The following TMEM135 variants were observed in gnomAD, a reference collection of about 807,000 sequenced individuals.
TMEM135 encodes peroxisomal membrane protein 52.
A neutral mutation model predicts 60.3 loss-of-function variants in TMEM135; 30 were observed. The observed-to-expected ratio is 0.50, with a 90% CI of 0.37 to 0.68. TMEM135 has a LOEUF of 0.68. Among genes scored for constraint, TMEM135 ranks in the 30% least tolerant of loss-of-function variants. The pLI is 0.00. For missense variants in TMEM135, 468 were observed against 548.8 expected (o/e 0.85, Z 1.47); for synonymous variants, 190 against 186.7 (o/e 1.02, Z -0.14).
chr11:87,105,915 C>T (rs966938087), intron 4 of TMEM135, among the ~76,000 whole-genome samples: 2 of 152,126 alleles, frequency 1.3e-5, no homozygotes, highest in Non-Finnish European at 2.9e-5. Context: ...CATTCACTAA[C>T]CTCTCTTCAT....
chr11:87,314,523 G>T lies in TMEM135; in HGVS notation c.1053G>T (p.Met351Ile), dbSNP rs1160340281. The T allele has an allele frequency of 6.2e-7, 1 of 1,610,736 alleles. No individual in the cohort carries two copies. The highest frequency in any genetic ancestry group is 8.5e-7 in the Non-Finnish European group (1 of 1,177,790). The stretch of plus-strand genomic sequence containing the variant: ...TTTATAAAAGCACAACAATTTCCAT[G>T]TATTTAGCGTCCAAATTGGTAGAGG... ...MMFYKSTTIS[M>I]YLASKLVETM... is the part of the protein sequence containing the mutation. Residue 351 changes from methionine (M) to isoleucine (I), a missense_variant, in exon 12 of 15, where the codon ATG (methionine) becomes ATT (isoleucine). Coordinates refer to ENST00000305494, the MANE Select transcript of TMEM135 (RefSeq NM_022918.4).
intron 1 of TMEM135, among the ~76,000 whole-genome samples, chr11:87,039,859 G>C (rs1039137641): frequency 6.6e-6 from 1 of 152,142 alleles, no homozygotes; most frequent in Non-Finnish European, 1.5e-5. Flanking sequence ...CCTGATACTT[G>C]TTATATCAAT....
intron 5 of TMEM135, among the ~76,000 whole-genome samples, chr11:87,231,973 A>G (rs1178317670): frequency 6.7e-6 from 1 of 149,882 alleles, no homozygotes; most frequent in African/African-American, 2.5e-5. Context: ...TTTTTTTGAG[A>G]CAGAGTCTCA....
At chr11:87,283,989 TAAAAA>T (rs1204234364) in intron 6 of TMEM135, among the ~76,000 whole-genome samples, 1 of 152,248 alleles carries the variant, frequency 6.6e-6, no homozygotes, top group Non-Finnish European at 1.5e-5. Context: ...TTGAGGTCTT[TAAAAA>T]ATAGATTGGT....
intron 5 of TMEM135, among the ~76,000 whole-genome samples, chr11:87,194,874 G>A (rs1319848988): frequency 6.6e-6 from 1 of 151,876 alleles, no homozygotes; most frequent in African/African-American, 2.4e-5. Context: ...TGTGTCATGA[G>A]GTTATCTTTT....
chr11:87,298,111 C>A (rs1277570529), intron 7 of TMEM135, among the ~76,000 whole-genome samples: 2 of 152,072 alleles, frequency 1.3e-5, no homozygotes, highest in South Asian at 4.2e-4. Context: ...GCAGTCCTGG[C>A]GGTCGTGATT....
At chr11:87,066,195 C>T (rs1337691119) in intron 1 of TMEM135, among the ~76,000 whole-genome samples, 1 of 152,146 alleles carries the variant, frequency 6.6e-6, no homozygotes, top group Non-Finnish European at 1.5e-5. Flanking sequence ...GTTAGTTTTT[C>T]TCTTTCTTAC....
chr11:87,202,923 C>T (rs539797791), intron 5 of TMEM135, among the ~76,000 whole-genome samples: 5 of 149,774 alleles, frequency 3.3e-5, no homozygotes, highest in African/African-American at 1.2e-4. Context: ...GTCCCAGCTA[C>T]TCGGGAGGCT....
At chr11:87,287,916 A>G (rs895249154) in intron 6 of TMEM135, among the ~76,000 whole-genome samples, 1 of 152,214 alleles carries the variant, frequency 6.6e-6, no homozygotes, top group African/African-American at 2.4e-5. Flanking sequence ...AAAGATGAAT[A>G]ACTTTTGCCC....
intron 2 of TMEM135, among the ~76,000 whole-genome samples, chr11:87,068,816 A>G (rs1339533381): frequency 2.0e-5 from 3 of 151,996 alleles, no homozygotes; most frequent in Admixed American, 2.0e-4. Context: ...CTCAAAAAAA[A>G]AAAAAAAAAG....
Position 87,328,663 on chromosome 11 carries a change from A to G in TMEM135, c.*7330A>G. Reference sequence around the variant, plus strand: ...TCCAGCTCCATCCAAGATGCTGCAAAAGACATTATTTCATCTTTTATTTTT... The same window carrying G: ...TCCAGCTCCATCCAAGATGCTGCAAGAGACATTATTTCATCTTTTATTTTT... On this transcript the variant is annotated 3_prime_UTR_variant, in exon 15 of 15. Coordinates refer to ENST00000305494, the MANE Select transcript of TMEM135 (RefSeq NM_022918.4). 2.2e-6 allele frequency: 1 copy of G among 454,048 alleles called. No homozygotes were observed. The highest frequency in any genetic ancestry group is 2.3e-5 in the Admixed American group (1 of 42,556). 28.1% of individuals were successfully genotyped at this position (454,048 alleles called of 1,614,324 possible).
At position 87,159,969 on chromosome 11, in the gene TMEM135, G is replaced by A. The variant is rs144880305; in HGVS notation, c.462+2563G>A. On this transcript the variant is annotated intron_variant, in intron 5 of 14. Coordinates refer to ENST00000305494, the MANE Select transcript of TMEM135 (RefSeq NM_022918.4). Reference sequence around the variant, plus strand: ...GAAAATTTATAATATGCTAAGGGAGGAGAGCAGCAAGTGGTTAATTTATTT... The same window carrying A: ...GAAAATTTATAATATGCTAAGGGAGAAGAGCAGCAAGTGGTTAATTTATTT... Among the ~76,000 whole-genome samples the A allele has an allele frequency of 2.1e-3, 325 of 152,176 alleles. 1 individual carries two copies. The highest frequency in any genetic ancestry group is 3.3e-3 in the Non-Finnish European group (224 of 68,008).
intron 4 of TMEM135, among the ~76,000 whole-genome samples, chr11:87,110,098 C>A (rs1274776049): frequency 2.6e-5 from 4 of 152,052 alleles, no homozygotes; most frequent in African/African-American, 9.7e-5. Flanking sequence ...TCATTTATGA[C>A]CTGAGTGGCA....
intron 6 of TMEM135, among the ~76,000 whole-genome samples, chr11:87,243,824 T>C (rs1489529190): frequency 2.4e-5 from 2 of 82,638 alleles, no homozygotes; most frequent in East Asian, 4.5e-4. Context: ...CCTCTTTTCC[T>C]AATTGAATAC....
intron 6 of TMEM135, among the ~76,000 whole-genome samples, chr11:87,273,391 A>C (rs968807270): frequency 1.3e-5 from 2 of 152,140 alleles, no homozygotes; most frequent in African/African-American, 4.8e-5. Flanking sequence ...CTTGTCTAGT[A>C]TCCTTTATTA....
chr11:87,080,875 G>C (rs144530079), intron 3 of TMEM135, among the ~76,000 whole-genome samples: 1 of 151,872 alleles, frequency 6.6e-6, no homozygotes, highest in East Asian at 1.9e-4. Context: ...TGGTAGAGAC[G>C]GGGTTTCACC....
chr11:87,318,211 CT>C lies in TMEM135; in HGVS notation c.1153del (p.Ser385LeufsTer16), dbSNP rs760025867. 4 of 1,612,182 alleles carry C rather than the reference CT, an allele frequency of 2.5e-6. No homozygotes were observed. The highest frequency in any genetic ancestry group is 3.4e-6 in the Non-Finnish European group (4 of 1,179,534). On this transcript the variant is annotated frameshift_variant, in exon 13 of 15. Transcript: ENST00000305494. LOFTEE classifies it high-confidence loss of function. Reference sequence around the variant, plus strand: ...ATGCAGATACTATCATCTATTCCATCTCTACAGCAATTTGCTTCCAGGCAGT... The same window carrying C: ...ATGCAGATACTATCATCTATTCCATCCTACAGCAATTTGCTTCCAGGCAGT... The part of the protein sequence containing the change: ...PHADTIIYSI[S>X]TAICFQAAVM...
At chr11:87,272,073 A>T (rs1246983771) in intron 6 of TMEM135, among the ~76,000 whole-genome samples, 2 of 128,184 alleles carry the variant, frequency 1.6e-5, no homozygotes, top group African/African-American at 6.3e-5. Flanking sequence ...TTTTTTTTTA[A>T]GACAGAGTTT....
chr11:87,112,340 A>G (rs1301057761), intron 4 of TMEM135, among the ~76,000 whole-genome samples: 1 of 151,982 alleles, frequency 6.6e-6, no homozygotes, highest in East Asian at 1.9e-4. Context: ...ATTTACATTC[A>G]TTCAGTTAAC....
Sources: gnomAD v4.1 joint callset for allele counts (sites outside exome capture counted in the v4.1 genomes callset) on GRCh38, gnomAD v4.1.1 for gene constraint, MANE v1.5 for transcripts, NCBI Gene and HGNC (gene_info 2026-07-23, HGNC 2026-07-21) for gene names.